The following LNPEP variants were observed in gnomAD, a reference collection of about 807,000 sequenced individuals.
The protein encoded by LNPEP is leucyl-cystinyl aminopeptidase.
In LNPEP, 64 loss-of-function variants were observed where a neutral mutation model predicts 120.6. The ratio of observed to expected loss-of-function variants is 0.53; its 90% CI spans 0.43 to 0.65. The LOEUF (loss-of-function observed/expected upper bound fraction) is 0.65. Ranked by LOEUF, LNPEP falls within the 30% of genes least tolerant of loss-of-function variation. The probability of loss-of-function intolerance (pLI) is 0.00; values close to 1 mark genes in which losing one functional copy is unlikely to be tolerated. For synonymous variants in LNPEP, 435 were observed against 425.4 expected (o/e 1.02, Z -0.28); for missense variants, 1,057 against 1,200.0 (o/e 0.88, Z 1.76).
chr5:96,938,430 C>T (rs1327558856), intron 1 of LNPEP, among the ~76,000 whole-genome samples: 1 of 152,186 alleles, frequency 6.6e-6, no homozygotes, highest in Non-Finnish European at 1.5e-5. Flanking sequence ...AAAACAGTTT[C>T]AGTAATTTAG....
chr5:97,004,869 A>G (rs1335048283), intron 9 of LNPEP, among the ~76,000 whole-genome samples: 1 of 152,208 alleles, frequency 6.6e-6, no homozygotes, highest in East Asian at 1.9e-4. Flanking sequence ...TTTACTTTAT[A>G]CTTACTGTCT....
intron 11 of LNPEP, among the ~76,000 whole-genome samples, chr5:97,007,017 G>A (rs1057328005): frequency 6.6e-6 from 1 of 152,120 alleles, no homozygotes; most frequent in Admixed American, 6.5e-5. Flanking sequence ...TGATAGGAAG[G>A]GGGAGGGGAA....
Position 97,035,108 on chromosome 5 carries a change from C to G in LNPEP, c.*6575C>G, listed in dbSNP as rs1791547415. 2 of 152,056 alleles carry G rather than the reference C, an allele frequency of 1.3e-5. No individual in the cohort carries two copies. Among genetic ancestry groups the G allele is most frequent in the African/African-American group, 4.8e-5 (2 of 41,394 alleles). 9.4% of individuals were successfully genotyped at this position (152,056 alleles called of 1,614,324 possible). A position where few individuals can be genotyped will look rare whatever the true frequency, so the allele number is the denominator to read the frequency against. ...TATGATAACTCTCCTGTTTCCCTTCCCTCATTGCCTACAGGGGCAATAGTT... is the reference window on the plus strand; with the variant it reads ...TATGATAACTCTCCTGTTTCCCTTCGCTCATTGCCTACAGGGGCAATAGTT... On this transcript the variant is annotated 3_prime_UTR_variant, in exon 18 of 18. Transcript: ENST00000231368.
intron 1 of LNPEP, among the ~76,000 whole-genome samples, chr5:96,978,098 G>A (rs1269567180): frequency 3.3e-5 from 5 of 151,996 alleles, no homozygotes; most frequent in African/African-American, 1.2e-4. Flanking sequence ...TCCCTTGTAG[G>A]GAAGATTAGT....
At chr5:97,025,570 C>T (rs1336579607) in intron 15 of LNPEP, among the ~76,000 whole-genome samples, 1 of 152,216 alleles carries the variant, frequency 6.6e-6, no homozygotes, top group African/African-American at 2.4e-5. Context: ...AAGTATTTCT[C>T]ATGATCCTTC....
At position 97,027,841 on chromosome 5, in the gene LNPEP, A is replaced by G. The variant is rs747723304; in HGVS notation, c.2946+27A>G. Reference sequence around the variant, plus strand: ...TTGGTTTTATAAAATGATAATACAGAGACTGGGCAACCCTCCGCACACCCG... The same window carrying G: ...TTGGTTTTATAAAATGATAATACAGGGACTGGGCAACCCTCCGCACACCCG... On this transcript the variant is annotated intron_variant, in intron 17 of 17. Transcript: ENST00000231368. 4 of 1,398,532 alleles carry G rather than the reference A, an allele frequency of 2.9e-6. No homozygotes were observed. In the Admixed American group the frequency reaches 5.0e-5, roughly 18 times the overall value. The allele number at this position is 1,398,532 out of a possible 1,614,324, so 86.6% of individuals were successfully genotyped here.
At chr5:96,940,335 G>A (rs530421329) in intron 1 of LNPEP, among the ~76,000 whole-genome samples, 1 of 151,994 alleles carries the variant, frequency 6.6e-6, no homozygotes, top group East Asian at 1.9e-4. Flanking sequence ...TGGTTATAAG[G>A]AAATTATATA....
chr5:97,010,574 G>T (rs27289), intron 11 of LNPEP: 556,970 of 984,050 alleles, frequency 0.57, 158,237 homozygotes, highest in Middle Eastern at 0.69. Context: ...AGTAAAAACG[G>T]GTTTTTTAGT....
chr5:97,013,836 A>G lies in LNPEP; in HGVS notation c.2219+5A>G. The G allele has an allele frequency of 6.4e-7, 1 of 1,566,866 alleles. No homozygotes were observed. Among genetic ancestry groups the G allele is most frequent in the Non-Finnish European group, 8.6e-7 (1 of 1,160,492 alleles). On this transcript the variant is annotated splice_donor_5th_base_variant and intron_variant, in intron 12 of 17. Coordinates refer to ENST00000231368, the MANE Select transcript of LNPEP (RefSeq NM_005575.3). ...CAACATCTTTGAACTTGCAGGGTAG[A>G]GTATACTTAGTTTGAGATTTTTTCT...
chr5:97,012,839 G>A (rs1790972382), intron 11 of LNPEP, among the ~76,000 whole-genome samples: 1 of 152,116 alleles, frequency 6.6e-6, no homozygotes, highest in African/African-American at 2.4e-5. Context: ...CCCCAGAAGT[G>A]CCTATCCTTT....
chr5:97,013,426 C>T (rs113684245), intron 11 of LNPEP, among the ~76,000 whole-genome samples: 5,694 of 152,240 alleles, frequency 0.037, 181 homozygotes, highest in Middle Eastern at 0.11. Flanking sequence ...CATTTGATTT[C>T]CAGCACCTAG....
intron 1 of LNPEP, among the ~76,000 whole-genome samples, chr5:96,960,243 T>G (rs1434453909): frequency 6.6e-6 from 1 of 152,150 alleles, no homozygotes; most frequent in Non-Finnish European, 1.5e-5. Context: ...TGGCCAAAAT[T>G]TATCTTAATT....
At chr5:96,936,838 TG>T (rs1788905782) in intron 1 of LNPEP, 2 of 152,182 alleles carry the variant, frequency 1.3e-5, no homozygotes, top group Admixed American at 1.3e-4. Flanking sequence ...GACTTGTTAA[TG>T]TCAAGGGTCC....
At chr5:96,978,932 A>G (rs1424582834) in intron 1 of LNPEP, among the ~76,000 whole-genome samples, 4 of 152,152 alleles carry the variant, frequency 2.6e-5, no homozygotes, top group African/African-American at 9.7e-5. Flanking sequence ...TAACTGTGGT[A>G]TACTTTTATT....
chr5:96,962,529 A>G (rs1182714335), intron 1 of LNPEP: 3 of 152,230 alleles, frequency 2.0e-5, no homozygotes, highest in African/African-American at 7.2e-5. Flanking sequence ...TCCCCATCTT[A>G]TAAATGAGCA....
chr5:97,000,079 C>T (rs567242504), intron 8 of LNPEP, among the ~76,000 whole-genome samples: 1 of 152,114 alleles, frequency 6.6e-6, no homozygotes, highest in East Asian at 1.9e-4. Context: ...GTTTCCATTT[C>T]AGGGGTCAAA....
At chr5:96,938,049 A>G (rs889433641) in intron 1 of LNPEP, among the ~76,000 whole-genome samples, 12 of 152,254 alleles carry the variant, frequency 7.9e-5, no homozygotes, top group African/African-American at 2.4e-4. Context: ...AGAAACGACA[A>G]TATCTACAGT....
intron 2 of LNPEP, among the ~76,000 whole-genome samples, chr5:96,981,936 T>A (rs532173447): frequency 6.6e-6 from 1 of 152,290 alleles, no homozygotes; most frequent in Non-Finnish European, 1.5e-5. Flanking sequence ...ACCCTTGTTT[T>A]TTCTTTCTCA....
At position 97,031,704 on chromosome 5, in the gene LNPEP, G is replaced by A. The variant is rs27998; in HGVS notation, c.*3171G>A. On this transcript the variant is annotated 3_prime_UTR_variant, in exon 18 of 18. Coordinates refer to ENST00000231368, the MANE Select transcript of LNPEP (RefSeq NM_005575.3). ...CCAGGAGTTCTAAACCAGTTTGGCC[G>A]ACATGGCAAAACCCCATCTCTACTA... 90,440 of 151,990 alleles carry A rather than the reference G, an allele frequency of 0.6. 26,989 individuals are homozygous for A. The highest frequency in any genetic ancestry group is 0.71 in the Middle Eastern group (208 of 294). The allele number at this position is 151,990 out of a possible 1,614,324, so 9.4% of individuals were successfully genotyped here.
Sources: gnomAD v4.1 joint callset for allele counts (sites outside exome capture counted in the v4.1 genomes callset) on GRCh38, gnomAD v4.1.1 for gene constraint, MANE v1.5 for transcripts, NCBI Gene and HGNC (gene_info 2026-07-23, HGNC 2026-07-21) for gene names.